Variants in PPP1R9A observed in about 807,000 individuals in gnomAD.
PPP1R9A encodes protein phosphatase 1 regulatory subunit 9A.
PPP1R9A carries 59 observed loss-of-function variants against 141.9 expected under a neutral mutation model. The observed-to-expected ratio is 0.42, with a 90% CI of 0.34 to 0.52. The LOEUF is 0.52. Among genes scored for constraint, PPP1R9A ranks in the 20% least tolerant of loss-of-function variants. The pLI is 0.10. For synonymous variants in PPP1R9A, 500 were observed against 569.7 expected (o/e 0.88, Z 1.74); for missense variants, 1,444 against 1,611.9 (o/e 0.90, Z 1.78).
At chr7:95,082,825 G>T (rs1423802025) in intron 2 of PPP1R9A, among the ~76,000 whole-genome samples, 2 of 139,762 alleles carry the variant, frequency 1.4e-5, no homozygotes, top group Non-Finnish European at 3.0e-5. Flanking sequence ...AGGCGAACTC[G>T]GCTCACTGCA....
intron 7 of PPP1R9A, among the ~76,000 whole-genome samples, chr7:95,217,201 C>A (rs1793591972): frequency 1.3e-5 from 2 of 152,096 alleles, no homozygotes. Context: ...TTGTCAAAGG[C>A]CTTTTCTGCA....
intron 2 of PPP1R9A, chr7:95,036,563 G>C (rs1808452896): frequency 2.6e-5 from 4 of 152,138 alleles, no homozygotes; most frequent in Admixed American, 2.6e-4. Context: ...GGAAGCCAGA[G>C]TTACACTGCT....
chr7:95,120,932 G>A, intron 4 of PPP1R9A, 100 bp downstream of exon 4: 2 of 1,428,984 alleles, frequency 1.4e-6, no homozygotes, highest in Non-Finnish European at 1.9e-6. Flanking sequence ...TGATTTTTTA[G>A]GATAGAATTT....
intron 2 of PPP1R9A, among the ~76,000 whole-genome samples, chr7:94,964,115 AT>A (rs1361208908): frequency 2.0e-5 from 3 of 152,120 alleles, no homozygotes; most frequent in African/African-American, 7.2e-5. Flanking sequence ...ATGGAGTTAT[AT>A]TTGTGCTCAA....
chr7:95,028,942 A>G (rs770914258), intron 2 of PPP1R9A, among the ~76,000 whole-genome samples: 8 of 152,138 alleles, frequency 5.3e-5, no homozygotes, highest in Non-Finnish European at 1.0e-4. Context: ...TGAAAAGTCT[A>G]TTTGCAGATT....
intron 2 of PPP1R9A, among the ~76,000 whole-genome samples, chr7:94,973,175 T>C (rs1799050130): frequency 6.6e-6 from 1 of 152,188 alleles, no homozygotes; most frequent in Admixed American, 6.6e-5. Flanking sequence ...CTCCACAAAA[T>C]ATTGAAGCAA....
At chr7:95,204,404 T>C (rs1013035424) in intron 7 of PPP1R9A, among the ~76,000 whole-genome samples, 15 of 152,174 alleles carry the variant, frequency 9.9e-5, no homozygotes, top group South Asian at 2.1e-4. Context: ...TTTAACAGCC[T>C]GTTCACAGAC....
At chr7:94,935,883 G>A (rs1794715545) in intron 2 of PPP1R9A, among the ~76,000 whole-genome samples, 1 of 152,078 alleles carries the variant, frequency 6.6e-6, no homozygotes, top group Admixed American at 6.6e-5. Flanking sequence ...TCCTGAATCA[G>A]CCTGGATTAT....
In PPP1R9A at chr7:95,291,681, T is replaced by A. The variant is rs1806380291; in HGVS notation, c.*1378T>A. ...CATGTATCTGGTTCTCTTTGCTGCG[T>A]TGACTCTAAAAATGAGGTTATCCAC... On this transcript the variant is annotated 3_prime_UTR_variant, in exon 20 of 20. Transcript: ENST00000433360. The A allele has an allele frequency of 6.6e-6, 1 of 152,224 alleles. No homozygotes were observed. The allele number at this position is 152,224 out of a possible 1,614,324, so 9.4% of individuals were successfully genotyped here.
intron 7 of PPP1R9A, among the ~76,000 whole-genome samples, chr7:95,219,059 A>G (rs1793984582): frequency 6.6e-6 from 1 of 152,144 alleles, no homozygotes; most frequent in Non-Finnish European, 1.5e-5. Context: ...GTTTCTTCTT[A>G]GCCTCGATGG....
intron 4 of PPP1R9A, among the ~76,000 whole-genome samples, chr7:95,149,027 C>A (rs919390714): frequency 6.6e-6 from 1 of 150,496 alleles, no homozygotes. Flanking sequence ...AGTCCAACAA[C>A]ATATAAAAGG....
chr7:94,922,532 T>C lies in PPP1R9A; in HGVS notation c.1395+11024T>C, dbSNP rs150107680. ...CACATATCCAGTAATAGGGATATGG[T>C]TAAATTCATTACGATAAATGCATAT... On this transcript the variant is annotated intron_variant, in intron 2 of 19. Coordinates refer to ENST00000433360, the MANE Select transcript of PPP1R9A (RefSeq NM_001166160.2). Among the ~76,000 whole-genome samples the C allele has an allele frequency of 3.7e-3, 557 of 152,268 alleles. 3 individuals are homozygous for C. The highest frequency in any genetic ancestry group is 0.013 in the African/African-American group (522 of 41,568).
intron 2 of PPP1R9A, among the ~76,000 whole-genome samples, chr7:95,041,298 C>T (rs1475356316): frequency 6.6e-6 from 1 of 152,186 alleles, no homozygotes; most frequent in African/African-American, 2.4e-5. Context: ...TTGTAATCTG[C>T]AGAGACTGTC....
chr7:94,976,777 CTT>C (rs1012118739), intron 2 of PPP1R9A, among the ~76,000 whole-genome samples: 16 of 152,052 alleles, frequency 1.1e-4, no homozygotes, highest in African/African-American at 3.6e-4. Context: ...GATCTGGAAT[CTT>C]TTATTTATTA....
chr7:95,127,503 C>CTTTT (rs1823772924), intron 4 of PPP1R9A, among the ~76,000 whole-genome samples: 1 of 101,662 alleles, frequency 9.8e-6, no homozygotes, highest in Admixed American at 1.0e-4. Context: ...TTCTTTTTTT[C>CTTTT]TTTCTTTTTT....
Position 94,911,246 on chromosome 7 carries a change from G to A in PPP1R9A, c.1133G>A (p.Ser378Asn). 1.9e-6 allele frequency: 3 copies of A among 1,614,190 alleles called. No individual in the cohort carries two copies. The highest frequency in any genetic ancestry group is 2.5e-6 in the Non-Finnish European group (3 of 1,180,020). Reference sequence around the variant, plus strand: ...ACCTCTCCTGATGCTTCTGCATCCAGTTGTGGAAAAGAAGTACCTGAAGAT... The same window carrying A: ...ACCTCTCCTGATGCTTCTGCATCCAATTGTGGAAAAGAAGTACCTGAAGAT... Reference protein sequence around the residue: ...DFTSPDASASSCGKEVPEDSN... With the variant: ...DFTSPDASASNCGKEVPEDSN... The change falls in exon 2 of 20, where the codon AGT becomes AAT. Residue 378 changes from serine (S) to asparagine (N), a missense_variant. By Grantham distance (46) the Ser-to-Asn change is conservative. Transcript: ENST00000433360.
At chr7:95,150,634 A>C (rs1219936290) in intron 4 of PPP1R9A, among the ~76,000 whole-genome samples, 6 of 152,204 alleles carry the variant, frequency 3.9e-5, no homozygotes, top group African/African-American at 4.8e-5. Context: ...CACCAAAGGC[A>C]TAATCTATGA....
intron 7 of PPP1R9A, chr7:95,214,258 C>T (rs1342953739): frequency 6.6e-6 from 1 of 152,226 alleles, no homozygotes. Flanking sequence ...AGGTGTTAGC[C>T]AGAGCCGTGG....
chr7:95,196,252 A>G (rs1285617865), intron 5 of PPP1R9A, among the ~76,000 whole-genome samples: 2 of 152,158 alleles, frequency 1.3e-5, no homozygotes. Context: ...CATCAGGGCA[A>G]TGGAAATTAA....
Sources: allele counts gnomAD v4.1 joint callset (sites outside exome capture counted in the v4.1 genomes callset), GRCh38; gene constraint gnomAD v4.1.1; transcripts MANE v1.5; gene names NCBI Gene and HGNC (gene_info 2026-07-23, HGNC 2026-07-21).